Variants in SPRING1 observed in about 807,000 individuals in gnomAD.
SPRING1 encodes SREBF pathway regulator in golgi 1.
SPRING1 carries 14 observed loss-of-function variants against 24.7 expected under a neutral mutation model. The ratio of observed to expected loss-of-function variants is 0.57; its 90% CI spans 0.37 to 0.88. SPRING1 has a LOEUF of 0.88. Ranked by LOEUF, SPRING1 falls within the 40% of genes least tolerant of loss-of-function variation. SPRING1 has a pLI of 0.00. For missense variants in SPRING1, 255 were observed against 268.4 expected, an observed-to-expected ratio of 0.95 and a Z score of 0.35; for synonymous variants, 93 against 106.1, an observed-to-expected ratio of 0.88 and a Z score of 0.76.
intron 1 of SPRING1, among the ~76,000 whole-genome samples, chr12:116,724,834 T>C (rs1012194845): frequency 2.0e-5 from 3 of 152,222 alleles, no homozygotes; most frequent in African/African-American, 4.8e-5. Context: ...ATTAGATTAA[T>C]GTAGGGAGCA....
rs1870122063 is a variant in SPRING1 at position 116,716,186 on chromosome 12, A to C, written c.*1624T>G. 6.6e-6 allele frequency: 1 copy of C among 152,242 alleles called. No individual in the cohort carries two copies. The highest frequency in any genetic ancestry group is 6.5e-5 in the Admixed American group (1 of 15,292). The allele number at this position is 152,242 out of a possible 1,614,324, so 9.4% of individuals were successfully genotyped here. A position where few individuals can be genotyped will look rare whatever the true frequency, so the allele number is the denominator to read the frequency against. The stretch of plus-strand genomic sequence containing the variant: ...AACGGAATAGATTTCTTGGGATCTA[A>C]TATTTTTCAAATTGCCTGACCAGCT... On this transcript the variant is annotated 3_prime_UTR_variant, in exon 5 of 5. Transcript: ENST00000261318.
At chr12:116,736,481 C>A (rs950336302) in intron 1 of SPRING1, among the ~76,000 whole-genome samples, 1 of 152,228 alleles carries the variant, frequency 6.6e-6, no homozygotes, top group Non-Finnish European at 1.5e-5. Context: ...TGGCAGGTCA[C>A]GTACAATTCC....
In SPRING1 at chr12:116,724,406, G is replaced by A. The variant is rs1034780630; in HGVS notation, c.112-1183C>T. Among the ~76,000 whole-genome samples the A allele has an allele frequency of 8.5e-5, 13 of 152,254 alleles. 1 individual carries two copies. In the East Asian group the frequency reaches 1.5e-3, roughly 18 times the overall value. On this transcript the variant is annotated intron_variant, in intron 1 of 4. Coordinates refer to ENST00000261318, the MANE Select transcript of SPRING1 (RefSeq NM_024738.4). Reference sequence around the variant, plus strand: ...ATACAAGGATGTTTACTACATGATCGTTTCGATGGTATAAAAAACCTGAAA... The same window carrying A: ...ATACAAGGATGTTTACTACATGATCATTTCGATGGTATAAAAAACCTGAAA...
At chr12:116,736,482 G>A (rs983208333) in intron 1 of SPRING1, among the ~76,000 whole-genome samples, 15 of 152,194 alleles carry the variant, frequency 9.9e-5, no homozygotes, top group South Asian at 4.1e-4. Flanking sequence ...GGCAGGTCAC[G>A]TACAATTCCC....
At chr12:116,737,531 GGAGGAAGGT>G (rs138847778) in intron 1 of SPRING1, among the ~76,000 whole-genome samples, 1,098 of 7,712 alleles carry the variant, frequency 0.14, 18 homozygotes, top group East Asian at 0.3. Flanking sequence ...GAAGGAAGGA[GGAGGAAGGT>G]GAGGAAGGTA....
At position 116,737,945 on chromosome 12, in the gene SPRING1, C is replaced by T; in HGVS notation, c.-45G>A. The T allele has an allele frequency of 3.6e-6, 5 of 1,370,800 alleles. No homozygotes were observed. The highest frequency in any genetic ancestry group is 1.7e-5 in the South Asian group (1 of 58,854). The allele number at this position is 1,370,800 out of a possible 1,614,324, so 84.9% of individuals were successfully genotyped here. On this transcript the variant is annotated 5_prime_UTR_variant, in exon 1 of 5. Transcript: ENST00000261318. ...GCGGCGGCCGGGGCGCGGAACGCGG[C>T]AGGCCCGGGTCCCGGGCGGCATGGC...
In SPRING1 at chr12:116,717,944, A is replaced by G; in HGVS notation, c.535-51T>C. 2 of 1,407,642 alleles carry G rather than the reference A, an allele frequency of 1.4e-6. No individual in the cohort carries two copies. The highest frequency in any genetic ancestry group is 1.9e-6 in the Non-Finnish European group (2 of 1,034,034). The allele number at this position is 1,407,642 out of a possible 1,614,324, so 87.2% of individuals were successfully genotyped here. ...GCAGTGAGAGCGAGCACAGCTTCAC[A>G]CACCTCCCTCTCGGAAGAGTGAGAG... is the stretch of plus-strand genomic sequence containing the variant. On this transcript the variant is annotated intron_variant, in intron 4 of 4. Transcript: ENST00000261318. The surrounding 1 kb of genome is among the most constrained non-coding windows in gnomAD (Gnocchi z 4.2).
chr12:116,718,244 C>T lies in SPRING1; in HGVS notation c.535-351G>A, dbSNP rs192956904. 2.9e-3 allele frequency among the ~76,000 whole-genome samples: 442 copies of T among 152,328 alleles called. 1 individual carries two copies. Among genetic ancestry groups the T allele is most frequent in the Non-Finnish European group, 5.5e-3 (371 of 68,032 alleles). The stretch of plus-strand genomic sequence containing the variant: ...TCTAAGATCCAATGGGTGTTTTGCA[C>T]CTGATCCTGAGCTTCACTCAGTTCC... On this transcript the variant is annotated intron_variant, in intron 4 of 4. Transcript: ENST00000261318.
Position 116,712,676 on chromosome 12 carries a change from C to G in SPRING1, c.*5134G>C, listed in dbSNP as rs1256902978. On this transcript the variant is annotated 3_prime_UTR_variant, in exon 5 of 5. Transcript: ENST00000261318. ...ACAGGCTCACATTTCTTCCTCAACT[C>G]CCACCTCCAAAGCCACTCCATTCAA... The G allele has an allele frequency of 2.6e-5, 4 of 152,188 alleles. No individual in the cohort carries two copies. Among genetic ancestry groups the G allele is most frequent in the Admixed American group, 6.5e-5 (1 of 15,278 alleles). 9.4% of individuals were successfully genotyped at this position (152,188 alleles called of 1,614,324 possible).
chr12:116,722,553 A>G (rs1175902090), intron 2 of SPRING1, among the ~76,000 whole-genome samples: 3 of 152,244 alleles, frequency 2.0e-5, no homozygotes, highest in African/African-American at 7.2e-5. Context: ...TATTTTCAAT[A>G]TGATTTGCTT....
intron 2 of SPRING1, among the ~76,000 whole-genome samples, chr12:116,721,678 T>C (rs1026360679): frequency 3.9e-5 from 6 of 152,250 alleles, no homozygotes; most frequent in African/African-American, 1.4e-4. Context: ...TTCCTATTTC[T>C]ACTCATTTTC....
intron 4 of SPRING1, among the ~76,000 whole-genome samples, chr12:116,719,160 G>A (rs1170594537): frequency 2.0e-5 from 3 of 152,198 alleles, no homozygotes; most frequent in East Asian, 1.9e-4. Context: ...GCTGAGAGCC[G>A]AGGAGACAGT....
At position 116,717,644 on chromosome 12, in the gene SPRING1, G is replaced by A. The variant is rs1870205123; in HGVS notation, c.*166C>T. 1.0e-5 allele frequency: 6 copies of A among 584,644 alleles called. No individual in the cohort carries two copies. The highest frequency in any genetic ancestry group is 3.1e-5 in the East Asian group (1 of 31,802). 36.2% of individuals were successfully genotyped at this position (584,644 alleles called of 1,614,324 possible). A position where few individuals can be genotyped will look rare whatever the true frequency, so the allele number is the denominator to read the frequency against. On this transcript the variant is annotated 3_prime_UTR_variant, in exon 5 of 5. Transcript: ENST00000261318. The surrounding 1 kb of genome is among the most constrained non-coding windows in gnomAD (Gnocchi z 4.2). ...GTTCCATCTGGTAAGCCCGGGTGGT[G>A]AGCGAAGCCAAAGATGACAACACGA... is the stretch of plus-strand genomic sequence containing the variant.
chr12:116,733,306 C>G (rs1871076249), intron 1 of SPRING1, among the ~76,000 whole-genome samples: 1 of 151,496 alleles, frequency 6.6e-6, no homozygotes, highest in African/African-American at 2.4e-5. Context: ...CCTCAGCCTC[C>G]TGAGTAGCTG....
intron 1 of SPRING1, among the ~76,000 whole-genome samples, chr12:116,723,852 C>T (rs976181382): frequency 6.6e-6 from 1 of 152,184 alleles, no homozygotes; most frequent in Non-Finnish European, 1.5e-5. Flanking sequence ...CAGCCCTCTA[C>T]CCGGACAAGC....
At chr12:116,736,443 A>G (rs567334752) in intron 1 of SPRING1, among the ~76,000 whole-genome samples, 7 of 152,310 alleles carry the variant, frequency 4.6e-5, no homozygotes, top group African/African-American at 1.7e-4. Flanking sequence ...AGGGACTTAC[A>G]ACACTCAGCC....
chr12:116,729,815 CA>C (rs1418550108), intron 1 of SPRING1, among the ~76,000 whole-genome samples: 1 of 152,184 alleles, frequency 6.6e-6, no homozygotes, highest in African/African-American at 2.4e-5. Context: ...GACTGAGGGG[CA>C]GGGGGAAGAT....
At chr12:116,735,216 G>A (rs1401398830) in intron 1 of SPRING1, among the ~76,000 whole-genome samples, 1 of 152,166 alleles carries the variant, frequency 6.6e-6, no homozygotes, top group Non-Finnish European at 1.5e-5. Flanking sequence ...AACAAGTGCT[G>A]GCAGAGAATC....
At position 116,717,873 on chromosome 12, in the gene SPRING1, G is replaced by C. The variant is rs751872632; in HGVS notation, c.555C>G (p.Thr185=). Residue 185 remains threonine, a synonymous_variant, in exon 5 of 5, where the codon ACC becomes ACG. Coordinates refer to ENST00000261318, the MANE Select transcript of SPRING1 (RefSeq NM_024738.4). This position sits in a 1 kb window ranked among gnomAD's most constrained non-coding sequence, Gnocchi z 4.2. ...AATACTTTGCTATGGGGTCCCGGTAGGTGTTCTCATGCTGCACGCTCTGTT... is the reference window on the plus strand; with the variant it reads ...AATACTTTGCTATGGGGTCCCGGTACGTGTTCTCATGCTGCACGCTCTGTT... ...TSSQSVQHEN[T]YRDPIAKYCY... The C allele has an allele frequency of 2.2e-5, 35 of 1,607,956 alleles. No individual in the cohort carries two copies. Among genetic ancestry groups the C allele is most frequent in the Non-Finnish European group, 2.8e-5 (33 of 1,176,708 alleles).
Sources: allele counts gnomAD v4.1 joint callset (sites outside exome capture counted in the v4.1 genomes callset), GRCh38; gene constraint gnomAD v4.1.1; non-coding constraint Gnocchi (gnomAD v3.1); transcripts MANE v1.5; gene names NCBI Gene and HGNC (gene_info 2026-07-23, HGNC 2026-07-21).